Variants in CDH13 observed in about 807,000 individuals in gnomAD.
CDH13 encodes the protein cadherin 13.
Under a neutral mutation model 63.8 loss-of-function variants are expected in CDH13, and 24 were observed. That is an observed-to-expected ratio of 0.38 (90% CI 0.27 to 0.53). The LOEUF (loss-of-function observed/expected upper bound fraction) is 0.53, where lower values mean the gene tolerates loss of function less well. Ranked by LOEUF, CDH13 falls within the 20% of genes least tolerant of loss-of-function variation. The pLI, the probability that CDH13 is intolerant of heterozygous loss-of-function variation, is 0.85. For synonymous variants in CDH13, 503 were observed against 355.3 expected, an observed-to-expected ratio of 1.42 and a Z score of -4.67; for missense variants, 1,049 against 903.1, an observed-to-expected ratio of 1.16 and a Z score of -2.07.
chr16:83,653,068 A>G (rs980992222), intron 8 of CDH13, among the ~76,000 whole-genome samples: 1 of 152,180 alleles, frequency 6.6e-6, no homozygotes, highest in Non-Finnish European at 1.5e-5. Flanking sequence ...TATATTGCGC[A>G]ATTCCATTTC....
At chr16:82,868,890 C>T (rs576271606) in intron 2 of CDH13, among the ~76,000 whole-genome samples, 1 of 152,264 alleles carries the variant, frequency 6.6e-6, no homozygotes, top group South Asian at 2.1e-4. Flanking sequence ...CCTTTACCAA[C>T]TAAGTAACTT....
At chr16:83,581,453 A>G (rs548351469) in intron 7 of CDH13, among the ~76,000 whole-genome samples, 2 of 152,240 alleles carry the variant, frequency 1.3e-5, no homozygotes, top group South Asian at 2.1e-4. Context: ...TTCTCCTCCA[A>G]AATATCCACA....
intron 7 of CDH13, among the ~76,000 whole-genome samples, chr16:83,543,289 A>T (rs899722580): frequency 1.3e-5 from 2 of 152,212 alleles, no homozygotes; most frequent in African/African-American, 2.4e-5. Flanking sequence ...GTCACTCCTC[A>T]TTACATATTT....
chr16:83,486,897 A>G (rs947339064), intron 7 of CDH13, among the ~76,000 whole-genome samples: 3 of 152,096 alleles, frequency 2.0e-5, no homozygotes, highest in African/African-American at 2.4e-5. Context: ...CCTGATGCCT[A>G]TTTCCTCAAC....
chr16:82,766,789 AC>A (rs1476256356), intron 1 of CDH13, among the ~76,000 whole-genome samples: 2 of 152,208 alleles, frequency 1.3e-5, no homozygotes, highest in Non-Finnish European at 2.9e-5. Context: ...ATGTCCTTTG[AC>A]TATATAATAT....
intron 5 of CDH13, among the ~76,000 whole-genome samples, chr16:83,284,813 G>T (rs2089268187): frequency 6.6e-6 from 1 of 152,074 alleles, no homozygotes; most frequent in South Asian, 2.1e-4. Context: ...AATATAATGT[G>T]TATGTTTCTT....
chr16:83,475,161 A>C (rs2073569020), intron 6 of CDH13, among the ~76,000 whole-genome samples: 1 of 152,238 alleles, frequency 6.6e-6, no homozygotes, highest in Non-Finnish European at 1.5e-5. Context: ...ACAGAGCACT[A>C]AACCCAGCAC....
chr16:82,795,273 A>C lies in CDH13; in HGVS notation c.46-63089A>C, dbSNP rs577376306. 2.6e-5 allele frequency among the ~76,000 whole-genome samples: 4 copies of C among 152,310 alleles called. No homozygotes were observed. The East Asian group carries it at 7.7e-4, about 29-fold the overall frequency. ...TGGACAGTTGTCCCAGGGGACTGGA[A>C]ATCAAGGGTGCTGAGTAAACTCAGC... On this transcript the variant is annotated intron_variant, in intron 1 of 13. Coordinates refer to ENST00000567109, the MANE Select transcript of CDH13 (RefSeq NM_001257.5).
Position 83,196,483 on chromosome 16 carries a change from A to G in CDH13, c.484-20862A>G, listed in dbSNP as rs2038883386. The stretch of plus-strand genomic sequence containing the variant: ...TTTTGCTATGTGAAAAATCCTGTTA[A>G]GAGAATGGAAAGACAAGCTATAGAC... On this transcript the variant is annotated intron_variant, in intron 4 of 13. Coordinates refer to ENST00000567109, the MANE Select transcript of CDH13 (RefSeq NM_001257.5). 2.0e-5 allele frequency among the ~76,000 whole-genome samples: 3 copies of G among 152,186 alleles called. No individual in the cohort carries two copies. The South Asian group carries it at 6.2e-4, about 32-fold the overall frequency.
chr16:83,431,107 GA>G (rs1485446209), intron 6 of CDH13, among the ~76,000 whole-genome samples: 10 of 151,842 alleles, frequency 6.6e-5, no homozygotes, highest in African/African-American at 2.4e-4. Context: ...TGAGAATGAT[GA>G]TTTCCAGTTT....
At chr16:83,779,748 C>G (rs1915388660) in intron 11 of CDH13, among the ~76,000 whole-genome samples, 1 of 152,060 alleles carries the variant, frequency 6.6e-6, no homozygotes, top group African/African-American at 2.4e-5. Context: ...GTCCCAGCTA[C>G]TTGGGATACT....
chr16:83,528,830 A>G (rs1357561233), intron 7 of CDH13, among the ~76,000 whole-genome samples: 3 of 152,192 alleles, frequency 2.0e-5, no homozygotes, highest in African/African-American at 7.2e-5. Flanking sequence ...AGACTGTTCA[A>G]TCCCAGTCTC....
chr16:83,123,576 G>T (rs191544079), intron 3 of CDH13, among the ~76,000 whole-genome samples: 19 of 152,152 alleles, frequency 1.2e-4, no homozygotes, highest in Admixed American at 3.9e-4. Flanking sequence ...ACTGCATCTG[G>T]CCCCACATTT....
chr16:83,306,033 A>G (rs2089868208), intron 5 of CDH13, among the ~76,000 whole-genome samples: 1 of 152,186 alleles, frequency 6.6e-6, no homozygotes, highest in Admixed American at 6.5e-5. Flanking sequence ...AATATTCAGC[A>G]GCATCCCTTT....
intron 4 of CDH13, among the ~76,000 whole-genome samples, chr16:83,208,158 T>C (rs1400371022): frequency 1.3e-5 from 2 of 152,158 alleles, no homozygotes; most frequent in African/African-American, 2.4e-5. Flanking sequence ...CTTCTGTCCT[T>C]CTCAGTGGAT....
At chr16:83,587,601 A>G (rs922403786) in intron 7 of CDH13, among the ~76,000 whole-genome samples, 1 of 152,158 alleles carries the variant, frequency 6.6e-6, no homozygotes, top group Non-Finnish European at 1.5e-5. Context: ...ACTGCACTTG[A>G]TTTGGGGAAG....
intron 6 of CDH13, among the ~76,000 whole-genome samples, chr16:83,433,433 C>A: frequency 6.6e-6 from 1 of 152,190 alleles, no homozygotes; most frequent in East Asian, 1.9e-4. Context: ...GGCTATCATT[C>A]ATTACTGGGA....
intron 6 of CDH13, among the ~76,000 whole-genome samples, chr16:83,380,648 C>A (rs2091547902): frequency 6.6e-6 from 1 of 152,168 alleles, no homozygotes; most frequent in African/African-American, 2.4e-5. Context: ...GCCCTCCAGG[C>A]CACTTCATGG....
chr16:83,259,517 A>C (rs1295499641), intron 5 of CDH13, among the ~76,000 whole-genome samples: 2 of 152,186 alleles, frequency 1.3e-5, no homozygotes, highest in South Asian at 4.1e-4. Flanking sequence ...GGTTGATTAC[A>C]TTATGTTACA....
Sources: gnomAD v4.1 joint callset for allele counts (sites outside exome capture counted in the v4.1 genomes callset) on GRCh38, gnomAD v4.1.1 for gene constraint, MANE v1.5 for transcripts, NCBI Gene and HGNC (gene_info 2026-07-23, HGNC 2026-07-21) for gene names.